Variants in LMNA observed in about 807,000 individuals in gnomAD.
LMNA encodes the protein lamin A/C.
LMNA carries 20 observed loss-of-function variants against 70.4 expected under a neutral mutation model. The observed-to-expected ratio is 0.28, with a 90% CI of 0.20 to 0.41. The LOEUF (loss-of-function observed/expected upper bound fraction) is 0.41, where lower values mean the gene tolerates loss of function less well. LMNA is among the 10% of genes least tolerant of loss of function. The pLI is 1.00. For synonymous variants in LMNA, 339 were observed against 372.8 expected, an observed-to-expected ratio of 0.91 and a Z score of 1.04; for missense variants, 652 against 917.2, an observed-to-expected ratio of 0.71 and a Z score of 3.73.
Position 156,136,367 on chromosome 1 carries a change from C to T in LMNA, c.1311C>T (p.Ser437=), listed in dbSNP as rs763224059. 64 of 1,611,854 alleles carry T rather than the reference C, an allele frequency of 4.0e-5. No individual in the cohort carries two copies. Among genetic ancestry groups the T allele is most frequent in the Admixed American group, 1.7e-4 (10 of 59,956 alleles). ...GCTTCTCACAGCACGCACGCACTAG[C>T]GGGCGCGTGGCCGTGGAGGAGGTGG... ...RSSFSQHART[S]GRVAVEEVDE... Residue 437 remains serine, a synonymous_variant, in exon 7 of 12, where the codon AGC becomes AGT. Transcript: ENST00000368300. The surrounding 1 kb of genome is among the most constrained non-coding windows in gnomAD (Gnocchi z 6.1).
intron 1 of LMNA, among the ~76,000 whole-genome samples, chr1:156,125,437 C>T (rs1650484837): frequency 6.6e-6 from 1 of 152,130 alleles, no homozygotes; most frequent in South Asian, 2.1e-4. Flanking sequence ...CCTGTAATCC[C>T]AGGACTTTGG....
chr1:156,098,388 G>A (rs927108310), intron 3 of LMNA, among the ~76,000 whole-genome samples: 2 of 152,214 alleles, frequency 1.3e-5, no homozygotes, highest in African/African-American at 4.8e-5. Context: ...ATTTGGCATT[G>A]AGTTCTTAGG....
intron 3 of LMNA, among the ~76,000 whole-genome samples, chr1:156,098,167 C>T (rs1170175272): frequency 1.3e-5 from 2 of 152,238 alleles, no homozygotes; most frequent in African/African-American, 2.4e-5. Context: ...AGTTCAGGCC[C>T]TCATCATCTA....
At chr1:156,111,001 C>T (rs746237289), upstream of LMNA, among the ~76,000 whole-genome samples, 1 of 152,000 alleles carries the variant, frequency 6.6e-6, no homozygotes, top group Non-Finnish European at 1.5e-5. Context: ...CACCGAGTGC[C>T]TGCTGTGTGC....
chr1:156,118,075 C>G (rs973251373), intron 1 of LMNA, among the ~76,000 whole-genome samples: 3 of 150,788 alleles, frequency 2.0e-5, no homozygotes, highest in Non-Finnish European at 4.4e-5. Context: ...CCTCCTGCCT[C>G]GGCCTCCGGA....
chr1:156,108,407 C>T (rs1649426355), intron 3 of LMNA, among the ~76,000 whole-genome samples: 1 of 152,170 alleles, frequency 6.6e-6, no homozygotes, highest in African/African-American at 2.4e-5. Flanking sequence ...CTGTCTCTGA[C>T]TCCTACCTGT....
intron 3 of LMNA, among the ~76,000 whole-genome samples, chr1:156,102,093 G>A (rs1649163953): frequency 6.6e-6 from 1 of 152,230 alleles, no homozygotes; most frequent in South Asian, 2.1e-4. Context: ...TAGTCTCTCT[G>A]GGACAGGCTG....
At chr1:156,126,855 G>A (rs1477329483) in intron 1 of LMNA, 1 of 1,611,848 alleles carries the variant, frequency 6.2e-7, no homozygotes, top group African/African-American at 1.3e-5. Context: ...GAAAGGACTG[G>A]CACTCTGCTG....
At chr1:156,116,101 C>T (rs1265296120) in intron 1 of LMNA, among the ~76,000 whole-genome samples, 2 of 152,196 alleles carry the variant, frequency 1.3e-5, no homozygotes, top group Non-Finnish European at 2.9e-5. Context: ...CAGGTCTGGC[C>T]GCACTCCTCC....
upstream of LMNA, among the ~76,000 whole-genome samples, chr1:156,113,303 C>CA (rs1228440514): frequency 6.6e-6 from 1 of 151,350 alleles, no homozygotes; most frequent in Non-Finnish European, 1.5e-5. Context: ...GACTTAATCT[C>CA]AAAAAAACAA....
chr1:156,120,077 C>T (rs185338807), intron 1 of LMNA, among the ~76,000 whole-genome samples: 9 of 152,256 alleles, frequency 5.9e-5, no homozygotes, highest in East Asian at 5.8e-4. Context: ...AAAGCAGAAG[C>T]GCTACTTCCA....
At chr1:156,098,064 G>A (rs1649005601) in intron 3 of LMNA, among the ~76,000 whole-genome samples, 1 of 152,192 alleles carries the variant, frequency 6.6e-6, no homozygotes, top group Non-Finnish European at 1.5e-5. Flanking sequence ...TGTCAGGATA[G>A]TTTCATTCTT....
upstream of LMNA, among the ~76,000 whole-genome samples, chr1:156,110,329 T>G (rs2102809484): frequency 6.6e-6 from 1 of 152,350 alleles, no homozygotes; most frequent in East Asian, 1.9e-4. Context: ...ATATAGTAGA[T>G]GTTCAATAAA....
At chr1:156,100,846 T>G (rs551081602) in intron 3 of LMNA, among the ~76,000 whole-genome samples, 1 of 152,242 alleles carries the variant, frequency 6.6e-6, no homozygotes, top group East Asian at 1.9e-4. Flanking sequence ...GTCCCTCTAA[T>G]GGGGGAAGAC....
At chr1:156,097,466 A>T (rs1315771510) in intron 3 of LMNA, among the ~76,000 whole-genome samples, 1 of 152,252 alleles carries the variant, frequency 6.6e-6, no homozygotes, top group Non-Finnish European at 1.5e-5. Flanking sequence ...CCGTACATGC[A>T]CATATCACTT....
chr1:156,118,189 G>A (rs1312855235), intron 1 of LMNA, among the ~76,000 whole-genome samples: 1 of 152,150 alleles, frequency 6.6e-6, no homozygotes, highest in Admixed American at 6.5e-5. Context: ...AGGAAGCAAG[G>A]AAGGGGAGAC....
chr1:156,116,673 T>A (rs1649847537), intron 1 of LMNA, among the ~76,000 whole-genome samples: 1 of 152,198 alleles, frequency 6.6e-6, no homozygotes, highest in South Asian at 2.1e-4. Flanking sequence ...CAAGTGATTC[T>A]CCTGCCTCAG....
chr1:156,126,159 G>A, intron 1 of LMNA: 1 of 1,520,510 alleles, frequency 6.6e-7, no homozygotes, highest in Non-Finnish European at 8.8e-7. Flanking sequence ...CCAGGGGCTG[G>A]GAGACCCTCT....
At chr1:156,109,041 A>C in intron 3 of LMNA, among the ~76,000 whole-genome samples, 1 of 152,228 alleles carries the variant, frequency 6.6e-6, no homozygotes, top group Admixed American at 6.5e-5. Flanking sequence ...TAAATGAATA[A>C]TTTAACCTTT....
Sources: allele counts gnomAD v4.1 joint callset (sites outside exome capture counted in the v4.1 genomes callset), GRCh38; gene constraint gnomAD v4.1.1; non-coding constraint Gnocchi (gnomAD v3.1); transcripts MANE v1.5; gene names NCBI Gene and HGNC (gene_info 2026-07-23, HGNC 2026-07-21).